The following WDR19 variants were observed in gnomAD, a reference collection of about 807,000 sequenced individuals.
WDR19 encodes WD repeat-containing protein 19.
Under a neutral mutation model 180.0 loss-of-function variants are expected in WDR19, and 121 were observed. The observed-to-expected ratio is 0.67, with a 90% CI of 0.58 to 0.78. The LOEUF is 0.78. WDR19 is among the 30% of genes least tolerant of loss of function. WDR19 has a pLI of 0.00. For synonymous variants in WDR19, 497 were observed against 540.7 expected, an observed-to-expected ratio of 0.92 and a Z score of 1.12; for missense variants, 1,450 against 1,640.7, an observed-to-expected ratio of 0.88 and a Z score of 2.01.
In WDR19 at chr4:39,205,726, G is replaced by A. The variant is rs377160857; in HGVS notation, c.880G>A (p.Gly294Arg). Residue 294 changes from glycine to arginine, a missense_variant, in exon 9 of 37, where the codon GGA becomes AGA. Transcript: ENST00000399820. ...GACTCTTAACAAAGTTGCTACATGT[G>A]GAGATAACTGGTAAGTTATTTTCAC... ...SQTLNKVATC[G>R]DNCIKIQDLV... The A allele has an allele frequency of 3.8e-5, 60 of 1,598,458 alleles. No homozygotes were observed. The highest frequency in any genetic ancestry group is 4.7e-5 in the Non-Finnish European group (55 of 1,171,922).
intron 9 of WDR19, chr4:39,206,189 G>C (rs1727933916): frequency 6.5e-6 from 1 of 152,686 alleles, no homozygotes; most frequent in Non-Finnish European, 1.5e-5. Flanking sequence ...AAAGCACAGA[G>C]AGAGCTTTAA....
chr4:39,231,093 T>G (rs369634933), intron 17 of WDR19, among the ~76,000 whole-genome samples: 1 of 151,818 alleles, frequency 6.6e-6, no homozygotes, highest in Non-Finnish European at 1.5e-5. Flanking sequence ...GGGCGGATCA[T>G]GAGGTCAGCA....
At chr4:39,193,147 T>A (rs4974991) in intron 4 of WDR19, among the ~76,000 whole-genome samples, 59,536 of 151,682 alleles carry the variant, frequency 0.39, 13,358 homozygotes, top group African/African-American at 0.63. Context: ...ACTTGCTAAA[T>A]TTAATTTTTT....
At chr4:39,197,287 G>A (rs1726843060) in intron 5 of WDR19, among the ~76,000 whole-genome samples, 1 of 151,996 alleles carries the variant, frequency 6.6e-6, no homozygotes, top group Admixed American at 6.5e-5. Flanking sequence ...TTAACCAGGT[G>A]TGGTAGTGGG....
chr4:39,232,341 G>T (rs1730965710), intron 19 of WDR19, 69 bp downstream of exon 19: 2 of 1,304,036 alleles, frequency 1.5e-6, no homozygotes, highest in South Asian at 1.4e-5. Flanking sequence ...AAAAAAAAAT[G>T]GGGCCGGGTG....
chr4:39,183,513 T>G (rs544781827), intron 1 of WDR19, among the ~76,000 whole-genome samples: 7 of 152,208 alleles, frequency 4.6e-5, no homozygotes, highest in African/African-American at 1.4e-4. Flanking sequence ...GCTCCCAAAG[T>G]GCTGAGATTA....
intron 1 of WDR19, 53 bp downstream of exon 1, chr4:39,182,616 C>T (rs562252379): frequency 6.2e-7 from 1 of 1,612,366 alleles, no homozygotes; most frequent in Non-Finnish European, 8.5e-7. Flanking sequence ...ACTACTGGCC[C>T]TTGGTCGCTT....
rs185607833 is a variant in WDR19 at position 39,244,409 on chromosome 4, A to G, written c.2562+21A>G. On this transcript the variant is annotated intron_variant, in intron 22 of 36. Coordinates refer to ENST00000399820, the MANE Select transcript of WDR19 (RefSeq NM_025132.4). ...TGAAGGTCCTCTTTTCTCTGCATCA[A>G]TATACATGTGGTCTTTTATACATAA... is the stretch of plus-strand genomic sequence containing the variant. The G allele has an allele frequency of 5.1e-4, 827 of 1,613,928 alleles. 2 individuals carry two copies. In the African/African-American group the frequency reaches 9.4e-3, roughly 18 times the overall value.
At chr4:39,226,824 A>G (rs1454007570) in intron 15 of WDR19, among the ~76,000 whole-genome samples, 1 of 152,236 alleles carries the variant, frequency 6.6e-6, no homozygotes, top group African/African-American at 2.4e-5. Context: ...AAAAGATAAA[A>G]AACGAACAGA....
In WDR19 at chr4:39,274,747, G is replaced by A. The variant is rs115177617; in HGVS notation, c.3566-61G>A. On this transcript the variant is annotated intron_variant, in intron 32 of 36. Transcript: ENST00000399820. ...TCCTACAGAACCAGGGTGGAATCCC[G>A]CCTGTATCACTGAGGACAGCAGACA... 1.5e-3 allele frequency: 2,319 copies of A among 1,572,638 alleles called. 38 individuals carry two copies. The African/African-American group carries it at 0.027, about 18-fold the overall frequency.
intron 24 of WDR19, among the ~76,000 whole-genome samples, chr4:39,248,380 A>G (rs1577986622): frequency 1.3e-5 from 2 of 152,244 alleles, no homozygotes; most frequent in Admixed American, 6.5e-5. Flanking sequence ...AAGAACCGGT[A>G]CCAGCCACTG....
At chr4:39,248,949 A>G (rs1457242562) in intron 24 of WDR19, among the ~76,000 whole-genome samples, 1 of 152,210 alleles carries the variant, frequency 6.6e-6, no homozygotes, top group Non-Finnish European at 1.5e-5. Context: ...GATCAACGAG[A>G]CAGAAAGTTA....
intron 21 of WDR19, among the ~76,000 whole-genome samples, chr4:39,242,376 C>T (rs1392609567): frequency 6.6e-6 from 1 of 152,144 alleles, no homozygotes; most frequent in African/African-American, 2.4e-5. Context: ...CCCGCCTTAG[C>T]CTCCCTAAGC....
chr4:39,269,936 C>T (rs758370641), intron 30 of WDR19, 40 bp from the exon 31 acceptor site: 1 of 1,608,006 alleles, frequency 6.2e-7, no homozygotes, highest in South Asian at 1.1e-5. Flanking sequence ...CCTCAGATGT[C>T]ACCCTTTGCA....
At chr4:39,232,138 C>A in intron 18 of WDR19, 24 bp from the exon 19 acceptor site, 1 of 1,570,782 alleles carries the variant, frequency 6.4e-7, no homozygotes, top group South Asian at 1.2e-5. Flanking sequence ...TTTTTTTTCT[C>A]ATCAGAATTG....
At chr4:39,273,807 C>T (rs975533174) in intron 32 of WDR19, 1 of 152,208 alleles carries the variant, frequency 6.6e-6, no homozygotes, top group Non-Finnish European at 1.5e-5. Flanking sequence ...TCTGTGTTCA[C>T]AAGCACGGTA....
chr4:39,231,863 AGC>A lies in WDR19; in HGVS notation c.2050_2051del (p.Ala684LeufsTer50), dbSNP rs1730903505. 1.2e-6 allele frequency: 2 copies of A among 1,612,376 alleles called. No homozygotes were observed. Among genetic ancestry groups the A allele is most frequent in the East Asian group, 4.5e-5 (2 of 44,840 alleles). ...DEAAWNELARACLHHMEVEFA... is the reference protein window; with the variant it reads ...DEAAWNELARXCLHHMEVEFA... The stretch of plus-strand genomic sequence containing the variant: ...AGGCTGCCTGGAATGAGTTGGCCAG[AGC>A]TTGTCTACATCACATGGAAGTGGAG... On this transcript the variant is annotated frameshift_variant, in exon 18 of 37. Transcript: ENST00000399820. LOFTEE classifies it high-confidence loss of function.
intron 28 of WDR19, among the ~76,000 whole-genome samples, chr4:39,262,883 G>A (rs1005234480): frequency 6.6e-6 from 1 of 152,102 alleles, no homozygotes; most frequent in African/African-American, 2.4e-5. Flanking sequence ...GATGATACAA[G>A]TTTCCTTCCC....
intron 15 of WDR19, among the ~76,000 whole-genome samples, chr4:39,225,737 C>T (rs1337892001): frequency 6.6e-6 from 1 of 152,084 alleles, no homozygotes; most frequent in Non-Finnish European, 1.5e-5. Context: ...ACAGCCTGCT[C>T]CTCACTGCTA....
Sources: allele counts gnomAD v4.1 joint callset (sites outside exome capture counted in the v4.1 genomes callset), GRCh38; gene constraint gnomAD v4.1.1; transcripts MANE v1.5; gene names NCBI Gene and HGNC (gene_info 2026-07-23, HGNC 2026-07-21).